The following BPNT2 variants were observed in gnomAD, a reference collection of about 807,000 sequenced individuals.
BPNT2 encodes the protein 3'(2'), 5'-bisphosphate nucleotidase 2.
In BPNT2, 11 loss-of-function variants were observed where a neutral mutation model predicts 29.3. The ratio of observed to expected loss-of-function variants is 0.38; its 90% CI spans 0.24 to 0.62. The LOEUF is 0.62. Among genes scored for constraint, BPNT2 ranks in the 20% least tolerant of loss-of-function variants. The pLI is 0.62. For synonymous variants in BPNT2, 195 were observed against 187.7 expected (o/e 1.04, Z -0.32); for missense variants, 459 against 473.4 (o/e 0.97, Z 0.28).
intron 3 of BPNT2, among the ~76,000 whole-genome samples, chr8:56,971,271 A>T (rs1207203697): frequency 5.9e-4 from 54 of 91,064 alleles, no homozygotes; most frequent in Middle Eastern, 6.1e-3. Context: ...GATAAGCTTA[A>T]AAAAAAAAAA....
At chr8:56,970,898 T>C (rs1029081565) in intron 3 of BPNT2, among the ~76,000 whole-genome samples, 6 of 151,900 alleles carry the variant, frequency 3.9e-5, no homozygotes, top group African/African-American at 1.4e-4. Flanking sequence ...TAAAAAAAAA[T>C]GAAGAGAACA....
intron 1 of BPNT2, among the ~76,000 whole-genome samples, chr8:56,989,144 T>C (rs921399541): frequency 6.6e-6 from 1 of 152,146 alleles, no homozygotes; most frequent in African/African-American, 2.4e-5. Context: ...CTGAGATGAT[T>C]CTCTGACCAT....
chr8:56,991,691 G>A (rs1435778856), intron 1 of BPNT2, among the ~76,000 whole-genome samples: 1 of 152,152 alleles, frequency 6.6e-6, no homozygotes, highest in Non-Finnish European at 1.5e-5. Context: ...ATCAAATGAA[G>A]TCCTGTGTAG....
In BPNT2 at chr8:56,977,732, T is replaced by C. The variant is rs192157002; in HGVS notation, c.646+318A>G. 1.8e-3 allele frequency among the ~76,000 whole-genome samples: 281 copies of C among 152,158 alleles called. 2 individuals are homozygous for C. The highest frequency in any genetic ancestry group is 6.5e-3 in the African/African-American group (269 of 41,520). The stretch of plus-strand genomic sequence containing the variant: ...ACACAGACACACAGAGAGAATGCCA[T>C]ATGATGATGGAGGCAGACACTGGAA... On this transcript the variant is annotated intron_variant, in intron 3 of 4. Coordinates refer to ENST00000262644, the MANE Select transcript of BPNT2 (RefSeq NM_017813.5).
intron 1 of BPNT2, among the ~76,000 whole-genome samples, chr8:56,987,012 A>G (rs140759030): frequency 4.4e-4 from 67 of 152,348 alleles, no homozygotes; most frequent in Non-Finnish European, 7.6e-4. Flanking sequence ...ATATACACAC[A>G]TAAGTGTATT....
intron 2 of BPNT2, 42 bp from the exon 3 acceptor site, chr8:56,978,187 T>A: frequency 8.5e-7 from 1 of 1,182,224 alleles, no homozygotes; most frequent in Non-Finnish European, 1.3e-6. Flanking sequence ...AATGTCAAAG[T>A]AATGTGCATA....
At chr8:56,983,011 A>C (rs544941916) in intron 1 of BPNT2, among the ~76,000 whole-genome samples, 4 of 152,340 alleles carry the variant, frequency 2.6e-5, no homozygotes, top group African/African-American at 9.6e-5. Flanking sequence ...GATTCCATTA[A>C]TGTAAAATGT....
chr8:56,963,578 T>A lies in BPNT2; in HGVS notation c.*215A>T. On this transcript the variant is annotated 3_prime_UTR_variant, in exon 5 of 5. Transcript: ENST00000262644. The stretch of plus-strand genomic sequence containing the variant: ...GTATGACAACTGTATGAAAATAGTC[T>A]CAAAAATAAAGACAATACTTGAGAC... 1 of 567,316 alleles carries A rather than the reference T, an allele frequency of 1.8e-6. No homozygotes were observed. The highest frequency in any genetic ancestry group is 3.1e-6 in the Non-Finnish European group (1 of 320,410). The allele number at this position is 567,316 out of a possible 1,614,324, so 35.1% of individuals were successfully genotyped here. A position where few individuals can be genotyped will look rare whatever the true frequency, so the allele number is the denominator to read the frequency against.
At chr8:56,973,433 G>T (rs1262069826) in intron 3 of BPNT2, among the ~76,000 whole-genome samples, 1 of 152,152 alleles carries the variant, frequency 6.6e-6, no homozygotes, top group Non-Finnish European at 1.5e-5. Flanking sequence ...CACTGTTATA[G>T]AAAACCCATG....
intron 1 of BPNT2, among the ~76,000 whole-genome samples, chr8:56,983,933 T>C (rs1413921230): frequency 2.6e-5 from 4 of 152,144 alleles, no homozygotes; most frequent in Non-Finnish European, 2.9e-5. Context: ...AGTGTGGCAC[T>C]GGTGAGGCAT....
intron 4 of BPNT2, among the ~76,000 whole-genome samples, chr8:56,965,057 C>A (rs527517391): frequency 6.6e-6 from 1 of 152,282 alleles, no homozygotes; most frequent in African/African-American, 2.4e-5. Context: ...TGGTGGCTCA[C>A]GCCTGTAATC....
chr8:56,959,487 G>A lies in BPNT2; in HGVS notation c.*4306C>T, dbSNP rs949902553. 2 of 152,126 alleles carry A rather than the reference G, an allele frequency of 1.3e-5. No individual in the cohort carries two copies. Among genetic ancestry groups the A allele is most frequent in the African/African-American group, 4.8e-5 (2 of 41,438 alleles). The allele number at this position is 152,126 out of a possible 1,614,324, so 9.4% of individuals were successfully genotyped here. On this transcript the variant is annotated 3_prime_UTR_variant, in exon 5 of 5. Coordinates refer to ENST00000262644, the MANE Select transcript of BPNT2 (RefSeq NM_017813.5). ...CCCAGGAACTGTTCTGGTTTGTAATGTCATACACAGTATTTTTTAACATTA... is the reference window on the plus strand; with the variant it reads ...CCCAGGAACTGTTCTGGTTTGTAATATCATACACAGTATTTTTTAACATTA...
chr8:56,975,884 G>A (rs1806122318), intron 3 of BPNT2, among the ~76,000 whole-genome samples: 2 of 152,236 alleles, frequency 1.3e-5, no homozygotes, highest in Admixed American at 6.5e-5. Flanking sequence ...AAATTTTTGA[G>A]TCTCATTTCC....
At chr8:56,993,172 G>A in intron 1 of BPNT2, 27 bp downstream of exon 1, 1 of 1,583,288 alleles carries the variant, frequency 6.3e-7, no homozygotes, top group Non-Finnish European at 8.5e-7. Context: ...CCCGGCTCGA[G>A]TGGGCGCTCC....
chr8:56,967,001 G>C, intron 3 of BPNT2: 4 of 358,000 alleles, frequency 1.1e-5, no homozygotes, highest in South Asian at 8.8e-5. Flanking sequence ...TTTCAAAATA[G>C]AATAGAATTT....
At chr8:56,975,462 G>GT (rs1300747917) in intron 3 of BPNT2, among the ~76,000 whole-genome samples, 2 of 151,996 alleles carry the variant, frequency 1.3e-5, no homozygotes, top group African/African-American at 2.4e-5. Flanking sequence ...TTATATGCCT[G>GT]TTTTTTTAAT....
chr8:56,989,581 A>G (rs528228163), intron 1 of BPNT2, among the ~76,000 whole-genome samples: 24 of 152,292 alleles, frequency 1.6e-4, no homozygotes, highest in African/African-American at 5.5e-4. Context: ...CAAGCTCAGC[A>G]TAACTTCCCC....
At chr8:56,970,181 A>G (rs891106212) in intron 3 of BPNT2, among the ~76,000 whole-genome samples, 6 of 152,192 alleles carry the variant, frequency 3.9e-5, no homozygotes, top group Non-Finnish European at 5.9e-5. Flanking sequence ...AAAAAAATAA[A>G]AATTTTGTAA....
chr8:56,974,832 ATTC>A (rs1806107455), intron 3 of BPNT2, among the ~76,000 whole-genome samples: 1 of 152,128 alleles, frequency 6.6e-6, no homozygotes, highest in South Asian at 2.1e-4. Context: ...AGGAATATAT[ATTC>A]TTATTAAATA....
Sources: gnomAD v4.1 joint callset for allele counts (sites outside exome capture counted in the v4.1 genomes callset) on GRCh38, gnomAD v4.1.1 for gene constraint, MANE v1.5 for transcripts, NCBI Gene and HGNC (gene_info 2026-07-23, HGNC 2026-07-21) for gene names.